RABGAP1L: variants seen among roughly 807,000 people sequenced by gnomAD.
RABGAP1L encodes the protein rab GTPase-activating protein 1-like.
Under a neutral mutation model 137.7 loss-of-function variants are expected in RABGAP1L, and 63 were observed. The ratio of observed to expected loss-of-function variants is 0.46; its 90% CI spans 0.37 to 0.56. The LOEUF (loss-of-function observed/expected upper bound fraction) is 0.56, where lower values mean the gene tolerates loss of function less well. Ranked by LOEUF, RABGAP1L falls within the 20% of genes least tolerant of loss-of-function variation. The pLI is 0.00. For synonymous variants in RABGAP1L, 431 were observed against 433.7 expected (o/e 0.99, Z 0.08); for missense variants, 1,095 against 1,244.0 (o/e 0.88, Z 1.80).
intron 13 of RABGAP1L, among the ~76,000 whole-genome samples, chr1:174,398,026 A>G (rs1282648367): frequency 6.6e-6 from 1 of 152,230 alleles, no homozygotes; most frequent in East Asian, 1.9e-4. Context: ...AGACATGTAT[A>G]GGGCAGAATG....
rs36019314 is a variant in RABGAP1L, at chr1:174,420,199, CTTTTTTTTT to C, written c.1710+26065_1710+26073del. On this transcript the variant is annotated intron_variant, in intron 13 of 25. Coordinates refer to ENST00000681986, the MANE Select transcript of RABGAP1L (RefSeq NM_001366446.1). ...TTAAGGTTCTTGGAGGCCCAACCTCCTTTTTTTTTTTTTTTTTTTAAATGGATAGAGATG... is the reference window on the plus strand; with the variant it reads ...TTAAGGTTCTTGGAGGCCCAACCTCCTTTTTTTTTTAAATGGATAGAGATG... Among the ~76,000 whole-genome samples, 28 of 135,236 alleles carry C rather than the reference CTTTTTTTTT, an allele frequency of 2.1e-4. No individual in the cohort carries two copies. The South Asian group carries it at 6.4e-3, about 31-fold the overall frequency. 88.7% of individuals were successfully genotyped at this position (135,236 alleles called of 152,430 possible). A position where few individuals can be genotyped will look rare whatever the true frequency, so the allele number is the denominator to read the frequency against.
intron 13 of RABGAP1L, among the ~76,000 whole-genome samples, chr1:174,532,803 TA>T (rs969164771): frequency 7.3e-5 from 11 of 151,466 alleles, no homozygotes; most frequent in East Asian, 1.9e-4. Context: ...CACAGATATA[TA>T]AAAAAAAATG....
chr1:174,901,330 T>C (rs969500578), intron 19 of RABGAP1L, among the ~76,000 whole-genome samples: 2 of 152,168 alleles, frequency 1.3e-5, no homozygotes, highest in African/African-American at 4.8e-5. Flanking sequence ...TCAGAATGGC[T>C]GGGGAGGCCT....
intron 11 of RABGAP1L, among the ~76,000 whole-genome samples, chr1:174,358,714 G>A (rs553258101): frequency 6.6e-6 from 1 of 152,272 alleles, no homozygotes; most frequent in African/African-American, 2.4e-5. Context: ...TTTTACCCAT[G>A]TCTGCACACA....
intron 13 of RABGAP1L, among the ~76,000 whole-genome samples, chr1:174,606,965 C>A (rs1178125401): frequency 1.3e-5 from 2 of 151,938 alleles, no homozygotes; most frequent in African/African-American, 4.8e-5. Flanking sequence ...AGAATAAAAC[C>A]CAAGTATTTA....
chr1:174,252,356 A>T, intron 6 of RABGAP1L, 124 bp from the exon 7 acceptor site: 3 of 1,155,636 alleles, frequency 2.6e-6, no homozygotes, highest in South Asian at 1.8e-5. Flanking sequence ...GTGAGAGTTT[A>T]GTATATCTTA....
At chr1:174,877,351 T>G in intron 19 of RABGAP1L, 2 of 1,410,268 alleles carry the variant, frequency 1.4e-6, no homozygotes, top group Non-Finnish European at 1.9e-6. Context: ...TTTCTCTTTC[T>G]TTCTTTCTGG....
intron 13 of RABGAP1L, among the ~76,000 whole-genome samples, chr1:174,433,003 A>G (rs1558229326): frequency 6.6e-6 from 1 of 152,362 alleles, no homozygotes; most frequent in East Asian, 1.9e-4. Context: ...TGGTAAAATA[A>G]TATGCTTATC....
At chr1:174,279,322 CTT>C (rs1388430698) in intron 10 of RABGAP1L, among the ~76,000 whole-genome samples, 5 of 151,966 alleles carry the variant, frequency 3.3e-5, no homozygotes, top group African/African-American at 1.2e-4. Context: ...AAATATGTAA[CTT>C]TTGTATTATA....
At chr1:174,962,035 C>T (rs1368943074) in intron 20 of RABGAP1L, among the ~76,000 whole-genome samples, 1 of 149,430 alleles carries the variant, frequency 6.7e-6, no homozygotes, top group Non-Finnish European at 1.5e-5. Context: ...ATTAGCCAGG[C>T]GTGGTGGTGG....
rs921777869 is a variant in RABGAP1L, at chr1:174,613,231, T to C, written c.1711-24144T>C. ...TTCCCTCTACACAGTGCTTTGAATGTGTCCCAGAGATTCTGGTATGTTGTG... is the reference window on the plus strand; with the variant it reads ...TTCCCTCTACACAGTGCTTTGAATGCGTCCCAGAGATTCTGGTATGTTGTG... On this transcript the variant is annotated intron_variant, in intron 13 of 25. Coordinates refer to ENST00000681986, the MANE Select transcript of RABGAP1L (RefSeq NM_001366446.1). Among the ~76,000 whole-genome samples, 80 of 152,256 alleles carry C rather than the reference T, an allele frequency of 5.3e-4. 1 individual carries two copies. The highest frequency in any genetic ancestry group is 2.8e-3 in the Admixed American group (43 of 15,292).
At chr1:174,390,190 A>T (rs925696437) in intron 12 of RABGAP1L, among the ~76,000 whole-genome samples, 2 of 152,206 alleles carry the variant, frequency 1.3e-5, no homozygotes, top group African/African-American at 4.8e-5. Flanking sequence ...CCAGTAAAAT[A>T]AGGCTGTTAA....
chr1:174,313,931 G>A (rs150839796), intron 11 of RABGAP1L, among the ~76,000 whole-genome samples: 15 of 152,150 alleles, frequency 9.9e-5, no homozygotes, highest in East Asian at 9.7e-4. Flanking sequence ...TGATTTTTGC[G>A]TGAGTATTTA....
intron 12 of RABGAP1L, among the ~76,000 whole-genome samples, chr1:174,392,399 C>T (rs181223966): frequency 4.6e-5 from 7 of 152,242 alleles, no homozygotes; most frequent in Admixed American, 4.6e-4. Context: ...TTGCTTTTGT[C>T]ACTTGGCAGC....
chr1:174,892,343 G>T, intron 19 of RABGAP1L: 1 of 351,600 alleles, frequency 2.8e-6, no homozygotes, highest in Non-Finnish European at 5.4e-6. Context: ...TAGTGGGAAG[G>T]AACCAACTGG....
At chr1:174,383,075 G>A (rs199521575) in intron 12 of RABGAP1L, among the ~76,000 whole-genome samples, 2 of 151,072 alleles carry the variant, frequency 1.3e-5, no homozygotes, top group Admixed American at 6.6e-5. Flanking sequence ...TGCCCCTGCT[G>A]GGGGGTGCCT....
chr1:174,370,738 A>ATAGG (rs34798737), intron 11 of RABGAP1L, among the ~76,000 whole-genome samples: 58,540 of 150,952 alleles, frequency 0.39, 14,295 homozygotes, highest in African/African-American at 0.7. Context: ...CTATTTATTT[A>ATAGG]TATTTTCAAT....
At chr1:174,622,506 A>G (rs1229173852) in intron 13 of RABGAP1L, among the ~76,000 whole-genome samples, 5 of 152,262 alleles carry the variant, frequency 3.3e-5, no homozygotes, top group Non-Finnish European at 5.9e-5. Context: ...CATATACACC[A>G]TGGAATACTA....
At chr1:174,477,891 C>A (rs75368101) in intron 13 of RABGAP1L, among the ~76,000 whole-genome samples, 11,912 of 151,828 alleles carry the variant, frequency 0.078, 631 homozygotes, top group East Asian at 0.3. Context: ...AGATTTTTTT[C>A]AAGTATTTAT....
Sources: gnomAD v4.1 joint callset for allele counts (sites outside exome capture counted in the v4.1 genomes callset) on GRCh38, gnomAD v4.1.1 for gene constraint, MANE v1.5 for transcripts, NCBI Gene and HGNC (gene_info 2026-07-23, HGNC 2026-07-21) for gene names.